Variants in TESPA1 observed in about 807,000 individuals in gnomAD.
The protein encoded by TESPA1 is thymocyte expressed, positive selection associated 1, also known as protein TESPA1.
A neutral mutation model predicts 57.9 loss-of-function variants in TESPA1; 33 were observed. That is an observed-to-expected ratio of 0.57 (90% CI 0.43 to 0.76). The LOEUF (loss-of-function observed/expected upper bound fraction) is 0.76. Ranked by LOEUF, TESPA1 falls within the 30% of genes least tolerant of loss-of-function variation. The probability of loss-of-function intolerance (pLI) is 0.00; values close to 1 mark genes in which losing one functional copy is unlikely to be tolerated. For synonymous variants in TESPA1, 227 were observed against 228.9 expected, an observed-to-expected ratio of 0.99 and a Z score of 0.07; for missense variants, 618 against 632.9, an observed-to-expected ratio of 0.98 and a Z score of 0.25.
At position 54,967,256 on chromosome 12, in the gene TESPA1, G is replaced by T; in HGVS notation, c.257-20C>A. The T allele has an allele frequency of 6.2e-7, 1 of 1,611,054 alleles. No homozygotes were observed. The highest frequency in any genetic ancestry group is 8.5e-7 in the Non-Finnish European group (1 of 1,178,986). Reference sequence around the variant, plus strand: ...AGAAGCCTGTCCAATAATCAGGTGAGGGTCACAGAAAACCAGGATGGAACA... The same window carrying T: ...AGAAGCCTGTCCAATAATCAGGTGATGGTCACAGAAAACCAGGATGGAACA... On this transcript the variant is annotated intron_variant, in intron 4 of 10. Coordinates refer to ENST00000449076, the MANE Select transcript of TESPA1 (RefSeq NM_001136030.3).
At chr12:54,956,435 C>A (rs147142499) in intron 10 of TESPA1, among the ~76,000 whole-genome samples, 2 of 152,286 alleles carry the variant, frequency 1.3e-5, no homozygotes, top group East Asian at 1.9e-4. Flanking sequence ...TTGGCTCTGC[C>A]GCTTATAAGT....
At chr12:54,950,924 T>C (rs900163307) in intron 10 of TESPA1, among the ~76,000 whole-genome samples, 1 of 151,284 alleles carries the variant, frequency 6.6e-6, no homozygotes, top group Non-Finnish European at 1.5e-5. Flanking sequence ...AATATAACCA[T>C]ATTGACACTT....
intron 3 of TESPA1, among the ~76,000 whole-genome samples, chr12:54,970,255 C>T (rs1951748880): frequency 6.6e-6 from 1 of 152,132 alleles, no homozygotes; most frequent in African/African-American, 2.4e-5. Flanking sequence ...ATATTTAATA[C>T]TCATTCATTT....
At chr12:54,954,946 T>C (rs1950639833) in intron 10 of TESPA1, among the ~76,000 whole-genome samples, 1 of 152,254 alleles carries the variant, frequency 6.6e-6, no homozygotes, top group Admixed American at 6.5e-5. Context: ...TTTGGATAAT[T>C]ACCCAGAAAT....
At chr12:54,961,515 A>G (rs982529808) in intron 9 of TESPA1, among the ~76,000 whole-genome samples, 15 of 152,174 alleles carry the variant, frequency 9.9e-5, no homozygotes, top group African/African-American at 3.4e-4. Context: ...AAGGATTTAA[A>G]AGCTTTTTAA....
At chr12:54,953,407 G>T (rs879483129) in intron 10 of TESPA1, among the ~76,000 whole-genome samples, 80 of 151,884 alleles carry the variant, frequency 5.3e-4, no homozygotes, top group Admixed American at 1.4e-3. Flanking sequence ...CTTTCTCTCT[G>T]CCTAGAATAT....
At chr12:54,958,323 C>T (rs549825675) in intron 10 of TESPA1, among the ~76,000 whole-genome samples, 2 of 152,292 alleles carry the variant, frequency 1.3e-5, no homozygotes, top group African/African-American at 4.8e-5. Context: ...CAAGAACCTA[C>T]TTGTGGAGTA....
In TESPA1 at chr12:54,974,413, G is replaced by T. The variant is rs770953624; in HGVS notation, c.150C>A (p.Asp50Glu). The change falls in exon 2 of 11, where the codon GAC becomes GAA. Residue 50 changes from aspartate (D) to glutamate (E), a missense_variant. Coordinates refer to ENST00000449076, the MANE Select transcript of TESPA1 (RefSeq NM_001136030.3). ...TTCGTCTCTTACCTTCTTGGAAAAC[G>T]TCATCCAGGCTGGAAGGCTCAGGAT... Reference protein sequence around the residue: ...VPDPEPSSLDDVFQEGNPINK... With the variant: ...VPDPEPSSLDEVFQEGNPINK... 1.2e-6 allele frequency: 2 copies of T among 1,605,876 alleles called. No homozygotes were observed. Among genetic ancestry groups the T allele is most frequent in the Non-Finnish European group, 1.7e-6 (2 of 1,176,550 alleles).
intron 3 of TESPA1, among the ~76,000 whole-genome samples, chr12:54,970,430 G>A (rs1182594470): frequency 1.3e-5 from 2 of 152,156 alleles, no homozygotes; most frequent in Non-Finnish European, 2.9e-5. Context: ...AGTTTTTATT[G>A]GGTGCTTATC....
intron 1 of TESPA1, among the ~76,000 whole-genome samples, chr12:54,976,078 A>G (rs1952125253): frequency 6.6e-6 from 1 of 152,210 alleles, no homozygotes; most frequent in Non-Finnish European, 1.5e-5. Context: ...AAATCACTGA[A>G]TGAAGTTAAT....
chr12:54,949,799 T>C lies in TESPA1; in HGVS notation c.*593A>G, dbSNP rs1187062697. 1 of 152,442 alleles carries C rather than the reference T, an allele frequency of 6.6e-6. No individual in the cohort carries two copies. Among genetic ancestry groups the C allele is most frequent in the African/African-American group, 2.4e-5 (1 of 41,426 alleles). The allele number at this position is 152,442 out of a possible 1,614,324, so 9.4% of individuals were successfully genotyped here. On this transcript the variant is annotated 3_prime_UTR_variant, in exon 11 of 11. Transcript: ENST00000449076. ...TTAAGGAGGAGTCTCCAAGTTGATT[T>C]CTTCAAAGGAGGTCTCAAGAAGAAA...
intron 10 of TESPA1, among the ~76,000 whole-genome samples, chr12:54,955,455 A>G (rs1460101300): frequency 6.6e-6 from 1 of 152,240 alleles, no homozygotes; most frequent in Non-Finnish European, 1.5e-5. Context: ...TGTCTTAAAA[A>G]TATGAGGTTT....
At chr12:54,966,924 A>T (rs1212565276) in intron 5 of TESPA1, among the ~76,000 whole-genome samples, 2 of 152,202 alleles carry the variant, frequency 1.3e-5, no homozygotes. Flanking sequence ...GTAATTTTAT[A>T]TGTTATCATC....
chr12:54,970,665 G>A (rs781121889), intron 3 of TESPA1, among the ~76,000 whole-genome samples: 2 of 152,112 alleles, frequency 1.3e-5, no homozygotes, highest in Non-Finnish European at 2.9e-5. Context: ...TAAAATCAAT[G>A]ACCAGGGACT....
At chr12:54,979,595 T>G (rs1234791569) in intron 1 of TESPA1, among the ~76,000 whole-genome samples, 1 of 152,246 alleles carries the variant, frequency 6.6e-6, no homozygotes, top group African/African-American at 2.4e-5. Flanking sequence ...ATAATTCTTG[T>G]TCTGAGGATG....
At chr12:54,958,853 CA>C (rs1298627639) in intron 10 of TESPA1, among the ~76,000 whole-genome samples, 1 of 152,244 alleles carries the variant, frequency 6.6e-6, no homozygotes, top group East Asian at 1.9e-4. Flanking sequence ...TTATCTCTAG[CA>C]TTTTTTTTAC....
intron 1 of TESPA1, among the ~76,000 whole-genome samples, chr12:54,979,321 A>C (rs879368341): frequency 6.6e-6 from 1 of 152,196 alleles, no homozygotes; most frequent in Non-Finnish European, 1.5e-5. Context: ...GTATGTGATC[A>C]TATTTAGTCT....
intron 10 of TESPA1, among the ~76,000 whole-genome samples, chr12:54,952,079 T>A (rs1022945662): frequency 2.0e-5 from 3 of 152,074 alleles, no homozygotes; most frequent in Non-Finnish European, 4.4e-5. Context: ...AGGGAAAAAA[T>A]TAGGATTAGA....
intron 7 of TESPA1, among the ~76,000 whole-genome samples, chr12:54,964,415 G>C (rs1030105683): frequency 6.6e-6 from 1 of 152,084 alleles, no homozygotes; most frequent in Non-Finnish European, 1.5e-5. Flanking sequence ...TTGATCTTAG[G>C]GCAAAAAGTA....
Sources: allele counts gnomAD v4.1 joint callset (sites outside exome capture counted in the v4.1 genomes callset), GRCh38; gene constraint gnomAD v4.1.1; transcripts MANE v1.5; gene names NCBI Gene and HGNC (gene_info 2026-07-23, HGNC 2026-07-21).